GABRB1: variants seen among roughly 807,000 people sequenced by gnomAD.
GABRB1 encodes gamma-aminobutyric acid receptor subunit beta-1.
In GABRB1, 17 loss-of-function variants were observed where a neutral mutation model predicts 51.6. The ratio of observed to expected loss-of-function variants is 0.33; its 90% CI spans 0.23 to 0.49. The LOEUF is 0.49. Among genes scored for constraint, GABRB1 ranks in the 20% least tolerant of loss-of-function variants. The pLI is 0.99. For missense variants in GABRB1, 410 were observed against 600.6 expected (o/e 0.68, Z 3.32); for synonymous variants, 247 against 218.9 (o/e 1.13, Z -1.14).
chr4:47,114,021 T>G (rs545829970), intron 3 of GABRB1, among the ~76,000 whole-genome samples: 2 of 152,322 alleles, frequency 1.3e-5, no homozygotes, highest in African/African-American at 2.4e-5. Flanking sequence ...CTCAGTTCCT[T>G]CTGCTTCCGT....
chr4:47,406,603 A>G, intron 7 of GABRB1, 79 bp from the exon 8 acceptor site: 1 of 1,567,062 alleles, frequency 6.4e-7, no homozygotes, highest in Non-Finnish European at 8.7e-7. Context: ...GAAGTGGCAA[A>G]TGGCATCTGT....
chr4:47,222,833 TA>T (rs995689563), intron 4 of GABRB1, among the ~76,000 whole-genome samples: 1 of 151,994 alleles, frequency 6.6e-6, no homozygotes, highest in Non-Finnish European at 1.5e-5. Context: ...TTTATCTCTT[TA>T]AAAAAAATCT....
intron 1 of GABRB1, among the ~76,000 whole-genome samples, chr4:47,006,806 A>C (rs1433199318): frequency 6.6e-6 from 1 of 152,262 alleles, no homozygotes; most frequent in African/African-American, 2.4e-5. Context: ...TGCTGCAATT[A>C]AAGATAAAGA....
chr4:47,400,037 A>T (rs911294278), intron 5 of GABRB1, among the ~76,000 whole-genome samples: 1 of 152,072 alleles, frequency 6.6e-6, no homozygotes, highest in African/African-American at 2.4e-5. Context: ...TTCTTTCAGG[A>T]ATGCCCACTA....
At chr4:47,183,816 A>T (rs759020567) in intron 4 of GABRB1, among the ~76,000 whole-genome samples, 10 of 151,810 alleles carry the variant, frequency 6.6e-5, no homozygotes, top group Admixed American at 2.0e-4. Flanking sequence ...TGGCTTCTAC[A>T]TTCAAATAGA....
chr4:47,337,805 G>A (rs1312981560), intron 5 of GABRB1, among the ~76,000 whole-genome samples: 1 of 81,224 alleles, frequency 1.2e-5, no homozygotes, highest in Non-Finnish European at 2.1e-5. Context: ...GCCAGACTCT[G>A]TCTAAAAAAA....
chr4:47,330,882 CA>C (rs1466597322), intron 5 of GABRB1, among the ~76,000 whole-genome samples: 1 of 152,046 alleles, frequency 6.6e-6, no homozygotes, highest in Admixed American at 6.6e-5. Flanking sequence ...AGGACAATTA[CA>C]AGCAAAAGCC....
chr4:47,412,817 G>A (rs1179267196), intron 8 of GABRB1, among the ~76,000 whole-genome samples: 1 of 152,118 alleles, frequency 6.6e-6, no homozygotes, highest in Non-Finnish European at 1.5e-5. Flanking sequence ...ATTTACATAG[G>A]GCATGAAAGA....
chr4:47,158,878 A>G (rs1257913383), intron 3 of GABRB1, among the ~76,000 whole-genome samples: 1 of 152,094 alleles, frequency 6.6e-6, no homozygotes, highest in African/African-American at 2.4e-5. Context: ...AAAAATTTTG[A>G]AGATAATTTA....
At chr4:47,308,871 G>T (rs1724566740) in intron 4 of GABRB1, among the ~76,000 whole-genome samples, 1 of 151,990 alleles carries the variant, frequency 6.6e-6, no homozygotes, top group South Asian at 2.1e-4. Context: ...GTTTTAAATT[G>T]TTAAGAAAAG....
At chr4:47,116,306 A>G (rs139525403) in intron 3 of GABRB1, among the ~76,000 whole-genome samples, 5 of 152,258 alleles carry the variant, frequency 3.3e-5, no homozygotes, top group African/African-American at 1.2e-4. Context: ...ATTCATCTCA[A>G]TTATTTTAAT....
intron 4 of GABRB1, among the ~76,000 whole-genome samples, chr4:47,260,699 G>C (rs1392294800): frequency 6.6e-6 from 1 of 152,090 alleles, no homozygotes; most frequent in Non-Finnish European, 1.5e-5. Context: ...GAGATCCGCT[G>C]TTAGTCTGAT....
chr4:47,052,947 A>T (rs930413701), intron 3 of GABRB1, among the ~76,000 whole-genome samples: 6 of 152,176 alleles, frequency 3.9e-5, no homozygotes, highest in African/African-American at 1.4e-4. Context: ...AATGTGAGAA[A>T]AAAGGGAAGA....
At chr4:46,997,853 C>A (rs1560490536) in intron 1 of GABRB1, among the ~76,000 whole-genome samples, 2 of 152,156 alleles carry the variant, frequency 1.3e-5, no homozygotes, top group Non-Finnish European at 2.9e-5. Context: ...GTATCCATAT[C>A]TTGACTATTA....
In GABRB1 at chr4:47,381,954, C is replaced by T. The variant is rs534437730; in HGVS notation, c.545-21364C>T. Among the ~76,000 whole-genome samples the T allele has an allele frequency of 5.9e-5, 9 of 152,192 alleles. 1 individual carries two copies. The highest frequency in any genetic ancestry group is 2.2e-4 in the African/African-American group (9 of 41,448). On this transcript the variant is annotated intron_variant, in intron 5 of 8. Coordinates refer to ENST00000295454, the MANE Select transcript of GABRB1 (RefSeq NM_000812.4). ...ATGCGAATTTCCCCTGTATCCTCCCCCCTCCAAGTAGTGTGTGACCACATT... is the reference window on the plus strand; with the variant it reads ...ATGCGAATTTCCCCTGTATCCTCCCTCCTCCAAGTAGTGTGTGACCACATT...
At chr4:47,364,461 C>T (rs1483953250) in intron 5 of GABRB1, among the ~76,000 whole-genome samples, 1 of 151,296 alleles carries the variant, frequency 6.6e-6, no homozygotes, top group Admixed American at 6.6e-5. Flanking sequence ...ATGATAAAGA[C>T]AGAGAAGGGA....
chr4:47,118,001 T>G (rs553391397), intron 3 of GABRB1, among the ~76,000 whole-genome samples: 2 of 152,312 alleles, frequency 1.3e-5, no homozygotes, highest in African/African-American at 4.8e-5. Context: ...TCCACTTCTG[T>G]ATATTCAGCA....
chr4:47,278,153 A>C lies in GABRB1; in HGVS notation c.462-41974A>C, dbSNP rs922678448. Among the ~76,000 whole-genome samples the C allele has an allele frequency of 1.6e-4, 24 of 152,334 alleles. No homozygotes were observed. The Middle Eastern group carries it at 0.014, about 86-fold the overall frequency. ...AAATTACTAGCTGTTCTTTGTCTAT[A>C]AAATGAGAATAATAGTAGCACATAT... On this transcript the variant is annotated intron_variant, in intron 4 of 8. Transcript: ENST00000295454.
chr4:47,190,296 TACTG>T (rs1577987293), intron 4 of GABRB1, among the ~76,000 whole-genome samples: 2 of 152,146 alleles, frequency 1.3e-5, no homozygotes, highest in East Asian at 3.9e-4. Flanking sequence ...AGATAATAAG[TACTG>T]CCACCTGTTC....
Sources: gnomAD v4.1 joint callset for allele counts (sites outside exome capture counted in the v4.1 genomes callset) on GRCh38, gnomAD v4.1.1 for gene constraint, MANE v1.5 for transcripts, NCBI Gene and HGNC (gene_info 2026-07-23, HGNC 2026-07-21) for gene names.